BABAM2: variants seen among roughly 807,000 people sequenced by gnomAD.
BABAM2 encodes the protein BRISC and BRCA1 A complex member 2, also known as BRISC and BRCA1-A complex member 2.
BABAM2 carries 31 observed loss-of-function variants against 54.7 expected under a neutral mutation model. The observed-to-expected ratio is 0.57, with a 90% confidence interval of 0.43 to 0.77. BABAM2 has a LOEUF of 0.77. BABAM2 is among the 30% of genes least tolerant of loss of function. The probability of loss-of-function intolerance (pLI) is 0.00; values close to 1 mark genes in which losing one functional copy is unlikely to be tolerated. For synonymous variants in BABAM2, 167 were observed against 162.9 expected (o/e 1.03, Z -0.19); for missense variants, 364 against 455.8 (o/e 0.80, Z 1.83).
intron 6 of BABAM2, among the ~76,000 whole-genome samples, chr2:28,115,272 G>A (rs1327376022): frequency 6.6e-6 from 1 of 151,210 alleles, no homozygotes; most frequent in Non-Finnish European, 1.5e-5. Context: ...AAACCTGTAG[G>A]ATTTTAGAGG....
intron 3 of BABAM2, among the ~76,000 whole-genome samples, chr2:27,947,904 T>C (rs1669417895): frequency 6.6e-6 from 1 of 152,174 alleles, no homozygotes; most frequent in Admixed American, 6.5e-5. Flanking sequence ...TTCCCACATA[T>C]GTGTGAGCAT....
chr2:27,913,929 A>G (rs1666781531), intron 2 of BABAM2, among the ~76,000 whole-genome samples: 1 of 152,186 alleles, frequency 6.6e-6, no homozygotes, highest in South Asian at 2.1e-4. Flanking sequence ...CACATTGCCA[A>G]TTTTTGTTAC....
intron 2 of BABAM2, among the ~76,000 whole-genome samples, chr2:27,925,971 C>T (rs1187774674): frequency 1.3e-5 from 2 of 152,154 alleles, no homozygotes; most frequent in African/African-American, 4.8e-5. Flanking sequence ...GCAAGGATCT[C>T]TGTAGATAGC....
chr2:28,268,985 A>G (rs1444378583), intron 10 of BABAM2, among the ~76,000 whole-genome samples: 12 of 152,252 alleles, frequency 7.9e-5, no homozygotes, highest in African/African-American at 2.4e-4. Context: ...CTTTAAAAGT[A>G]TCTCATACCT....
Position 28,025,210 on chromosome 2 carries a change from G to T in BABAM2, c.301-16G>T. 1 of 1,567,704 alleles carries T rather than the reference G, an allele frequency of 6.4e-7. No individual in the cohort carries two copies. Among genetic ancestry groups the T allele is most frequent in the Middle Eastern group, 1.7e-4 (1 of 5,826 alleles). On this transcript the variant is annotated splice_polypyrimidine_tract_variant and intron_variant, in intron 4 of 11. Transcript: ENST00000379624. The stretch of plus-strand genomic sequence containing the variant: ...TTCAGTTTTAACTGGTCTTTTATTT[G>T]TTACGACTTCTACAGAATCTTGCCT...
rs1690072879 is a variant in BABAM2, at chr2:28,322,138, C to T, written c.1089-16312C>T. On this transcript the variant is annotated intron_variant, in intron 11 of 11. Transcript: ENST00000379624. The surrounding 1 kb of genome is among the most constrained non-coding windows in gnomAD (Gnocchi z 4.1). ...CCCAGTGAAATGAACTCAGAAGCCT[C>T]CAGTGTTTATACCACTGAGACTGGG... Among the ~76,000 whole-genome samples the T allele has an allele frequency of 1.3e-5, 2 of 152,058 alleles. No homozygotes were observed. The highest frequency in any genetic ancestry group is 4.8e-5 in the African/African-American group (2 of 41,388).
At chr2:28,063,324 T>G (rs1679056947) in intron 6 of BABAM2, among the ~76,000 whole-genome samples, 1 of 152,242 alleles carries the variant, frequency 6.6e-6, no homozygotes, top group Non-Finnish European at 1.5e-5. Context: ...CATTTTCTAG[T>G]AACCACATTG....
At chr2:27,955,868 G>A (rs939901409) in intron 3 of BABAM2, among the ~76,000 whole-genome samples, 4 of 152,022 alleles carry the variant, frequency 2.6e-5, no homozygotes, top group African/African-American at 7.3e-5. Flanking sequence ...TAAAAGTATC[G>A]TTTTAGTGTT....
chr2:28,264,897 C>T (rs990315919), intron 10 of BABAM2, among the ~76,000 whole-genome samples: 1 of 152,180 alleles, frequency 6.6e-6, no homozygotes, highest in South Asian at 2.1e-4. Context: ...CCAACACAAT[C>T]TGAAAGAATT....
At chr2:28,019,554 A>G (rs984984976) in intron 4 of BABAM2, among the ~76,000 whole-genome samples, 1 of 152,174 alleles carries the variant, frequency 6.6e-6, no homozygotes, top group African/African-American at 2.4e-5. Flanking sequence ...ATTCTTGGTC[A>G]TGAAGTCTTT....
At chr2:28,068,349 G>A (rs1028643765) in intron 6 of BABAM2, among the ~76,000 whole-genome samples, 1 of 152,148 alleles carries the variant, frequency 6.6e-6, no homozygotes. Flanking sequence ...ATCAAAGCAT[G>A]CAGTATAACA....
intron 5 of BABAM2, among the ~76,000 whole-genome samples, chr2:28,026,897 A>AAT (rs1274431507): frequency 9.7e-5 from 2 of 20,578 alleles, no homozygotes; most frequent in African/African-American, 1.3e-4. Context: ...GATATATATA[A>AAT]ATATATATAA....
chr2:28,000,341 A>G (rs534671865), intron 4 of BABAM2, among the ~76,000 whole-genome samples: 1 of 152,154 alleles, frequency 6.6e-6, no homozygotes, highest in South Asian at 2.1e-4. Flanking sequence ...CAGGTATTTT[A>G]TAGAATGTCA....
At chr2:28,058,744 A>G (rs762101774) in intron 6 of BABAM2, among the ~76,000 whole-genome samples, 89 of 152,278 alleles carry the variant, frequency 5.8e-4, no homozygotes, top group African/African-American at 2.0e-3. Context: ...AGCGTTTAGA[A>G]ACATTAAAAG....
At chr2:28,039,684 G>A (rs1676921519) in intron 5 of BABAM2, among the ~76,000 whole-genome samples, 1 of 152,222 alleles carries the variant, frequency 6.6e-6, no homozygotes, top group Admixed American at 6.5e-5. Flanking sequence ...TGCACAAAAT[G>A]TCTACCTGTC....
intron 10 of BABAM2, among the ~76,000 whole-genome samples, chr2:28,274,894 T>C (rs1685736336): frequency 6.6e-6 from 1 of 152,196 alleles, no homozygotes; most frequent in African/African-American, 2.4e-5. Flanking sequence ...ATCAACTTTG[T>C]GGGCTGAGGC....
chr2:28,286,219 G>A (rs1428633891), intron 10 of BABAM2, among the ~76,000 whole-genome samples: 1 of 152,108 alleles, frequency 6.6e-6, no homozygotes, highest in Non-Finnish European at 1.5e-5. Flanking sequence ...CTCCCAAAGT[G>A]TTGGGATTAC....
chr2:28,045,847 G>T, intron 6 of BABAM2, 48 bp downstream of exon 6: 2 of 1,411,712 alleles, frequency 1.4e-6, no homozygotes, highest in Non-Finnish European at 9.8e-7. Context: ...AGCTTTTTAA[G>T]TAATTATTTA....
At chr2:27,973,326 A>G (rs1310409143) in intron 3 of BABAM2, among the ~76,000 whole-genome samples, 1 of 152,044 alleles carries the variant, frequency 6.6e-6, no homozygotes, top group Non-Finnish European at 1.5e-5. Context: ...ATCCTAGGAC[A>G]TCCTGGACCC....
Sources: allele counts gnomAD v4.1 joint callset (sites outside exome capture counted in the v4.1 genomes callset), GRCh38; gene constraint gnomAD v4.1.1; non-coding constraint Gnocchi (gnomAD v3.1); transcripts MANE v1.5; gene names NCBI Gene and HGNC (gene_info 2026-07-23, HGNC 2026-07-21).